Variants in GRIA4 observed in about 807,000 individuals in gnomAD.
The protein encoded by GRIA4 is glutamate receptor 4.
A neutral mutation model predicts 104.0 loss-of-function variants in GRIA4; 34 were observed. The observed-to-expected ratio is 0.33, with a 90% CI of 0.25 to 0.44. GRIA4 has a LOEUF of 0.44. Among genes scored for constraint, GRIA4 ranks in the 20% least tolerant of loss-of-function variants. The pLI, the probability that GRIA4 is intolerant of heterozygous loss-of-function variation, is 1.00. For missense variants in GRIA4, 750 were observed against 1,096.5 expected (o/e 0.68, Z 4.46); for synonymous variants, 386 against 381.9 (o/e 1.01, Z -0.13).
intron 3 of GRIA4, among the ~76,000 whole-genome samples, chr11:105,750,328 C>A (rs1469794487): frequency 6.6e-6 from 1 of 151,774 alleles, no homozygotes; most frequent in African/African-American, 2.4e-5. Context: ...ATGATCTAGA[C>A]AAAATAGGAA....
intron 6 of GRIA4, among the ~76,000 whole-genome samples, chr11:105,891,046 G>C (rs1946436150): frequency 6.6e-6 from 1 of 152,172 alleles, no homozygotes; most frequent in Non-Finnish European, 1.5e-5. Flanking sequence ...TTATCTGTCA[G>C]TTGGTTTATC....
In GRIA4 at chr11:105,693,918, T is replaced by C. The variant is rs147551699; in HGVS notation, c.248-59063T>C. Among the ~76,000 whole-genome samples, 24 of 152,298 alleles carry C rather than the reference T, an allele frequency of 1.6e-4. No homozygotes were observed. In the East Asian group the frequency reaches 4.3e-3, roughly 27 times the overall value. On this transcript the variant is annotated intron_variant, in intron 3 of 16. Transcript: ENST00000282499. ...TTATGATTGTATGACTCAAAAAGCC[T>C]AAAATGTTTGCTATCTGGTCTTTAA...
intron 3 of GRIA4, among the ~76,000 whole-genome samples, chr11:105,695,842 C>A (rs1953257999): frequency 6.6e-6 from 1 of 152,170 alleles, no homozygotes; most frequent in Non-Finnish European, 1.5e-5. Flanking sequence ...AGTATTCAAA[C>A]TAATTTCTCT....
At chr11:105,794,510 T>TATATATAA in intron 4 of GRIA4, among the ~76,000 whole-genome samples, 1 of 121,650 alleles carries the variant, frequency 8.2e-6, no homozygotes, top group South Asian at 2.6e-4. Flanking sequence ...TATATATATA[T>TATATATAA]ATACATATAC....
chr11:105,902,928 C>T (rs938056890), intron 7 of GRIA4, among the ~76,000 whole-genome samples: 17 of 152,120 alleles, frequency 1.1e-4, no homozygotes, highest in Non-Finnish European at 2.9e-5. Flanking sequence ...TCCATGTGTT[C>T]AGGAATTTTC....
At chr11:105,649,211 A>G (rs1402812596) in intron 3 of GRIA4, among the ~76,000 whole-genome samples, 1 of 152,174 alleles carries the variant, frequency 6.6e-6, no homozygotes, top group Admixed American at 6.6e-5. Context: ...ATAGAAATGC[A>G]TTAGTAGTAA....
chr11:105,643,891 G>A (rs1035326487), intron 3 of GRIA4, among the ~76,000 whole-genome samples: 6 of 151,872 alleles, frequency 4.0e-5, no homozygotes, highest in Non-Finnish European at 7.4e-5. Flanking sequence ...GCTAATTTTG[G>A]TAGTTTTAGT....
intron 4 of GRIA4, among the ~76,000 whole-genome samples, chr11:105,803,849 A>C (rs1454076670): frequency 1.3e-5 from 2 of 149,250 alleles, no homozygotes; most frequent in Non-Finnish European, 3.0e-5. Flanking sequence ...TATACCAAAA[A>C]AAAAAAAAAA....
At chr11:105,733,606 G>A (rs1938738881) in intron 3 of GRIA4, among the ~76,000 whole-genome samples, 1 of 151,936 alleles carries the variant, frequency 6.6e-6, no homozygotes, top group Non-Finnish European at 1.5e-5. Flanking sequence ...ACAGGCGCCT[G>A]CCACCACGAC....
chr11:105,623,230 G>T (rs143207315), intron 3 of GRIA4, among the ~76,000 whole-genome samples: 8 of 151,742 alleles, frequency 5.3e-5, no homozygotes. Flanking sequence ...TAGATACCCA[G>T]TAGTGGGATT....
intron 3 of GRIA4, among the ~76,000 whole-genome samples, chr11:105,692,756 T>C (rs1183576052): frequency 6.6e-6 from 1 of 152,214 alleles, no homozygotes; most frequent in East Asian, 1.9e-4. Context: ...ATCTCATCTG[T>C]AACACATAAA....
chr11:105,687,600 T>G (rs1358533616), intron 3 of GRIA4, among the ~76,000 whole-genome samples: 1 of 152,192 alleles, frequency 6.6e-6, no homozygotes, highest in African/African-American at 2.4e-5. Flanking sequence ...AGAACTAAGG[T>G]TTCCTCCATG....
At chr11:105,621,753 A>C (rs1950751905) in intron 3 of GRIA4, among the ~76,000 whole-genome samples, 1 of 151,804 alleles carries the variant, frequency 6.6e-6, no homozygotes, top group African/African-American at 2.4e-5. Flanking sequence ...CAAATAATTA[A>C]GATTTATGCT....
At chr11:105,723,477 C>T (rs1042557848) in intron 3 of GRIA4, among the ~76,000 whole-genome samples, 1 of 151,884 alleles carries the variant, frequency 6.6e-6, no homozygotes, top group Non-Finnish European at 1.5e-5. Flanking sequence ...TATGGCAATT[C>T]AATGAGATAA....
At chr11:105,699,140 G>A (rs1953393846) in intron 3 of GRIA4, among the ~76,000 whole-genome samples, 1 of 152,066 alleles carries the variant, frequency 6.6e-6, no homozygotes, top group African/African-American at 2.4e-5. Context: ...GTAAATGCTG[G>A]GCATTTATTT....
At chr11:105,643,756 T>C (rs1310160099) in intron 3 of GRIA4, among the ~76,000 whole-genome samples, 1 of 152,216 alleles carries the variant, frequency 6.6e-6, no homozygotes, top group African/African-American at 2.4e-5. Flanking sequence ...TCTTGCTCTG[T>C]CACCCAGGCT....
At chr11:105,925,396 C>A (rs909932299) in intron 12 of GRIA4, among the ~76,000 whole-genome samples, 1 of 152,096 alleles carries the variant, frequency 6.6e-6, no homozygotes, top group African/African-American at 2.4e-5. Context: ...TATCATTTAA[C>A]CATTATATTC....
At chr11:105,903,741 A>G in intron 7 of GRIA4, 73 bp from the exon 8 acceptor site, 1 of 1,018,754 alleles carries the variant, frequency 9.8e-7, no homozygotes, top group South Asian at 1.4e-5. Flanking sequence ...ATAAACTTAC[A>G]AAGACCCCAG....
intron 4 of GRIA4, among the ~76,000 whole-genome samples, chr11:105,820,605 A>G (rs1173884359): frequency 2.0e-5 from 3 of 151,734 alleles, no homozygotes; most frequent in African/African-American, 7.3e-5. Context: ...AAATTCTCCA[A>G]ATCCATCAAG....
Sources: gnomAD v4.1 joint callset for allele counts (sites outside exome capture counted in the v4.1 genomes callset) on GRCh38, gnomAD v4.1.1 for gene constraint, MANE v1.5 for transcripts, NCBI Gene and HGNC (gene_info 2026-07-23, HGNC 2026-07-21) for gene names.